PDS5A: variants seen among roughly 807,000 people sequenced by gnomAD.
PDS5A encodes sister chromatid cohesion protein PDS5 homolog A.
PDS5A carries 42 observed loss-of-function variants against 167.1 expected under a neutral mutation model. The observed-to-expected ratio is 0.25, with a 90% confidence interval of 0.20 to 0.33. PDS5A has a LOEUF of 0.33. Ranked by LOEUF, PDS5A falls within the 10% of genes least tolerant of loss-of-function variation. The probability of loss-of-function intolerance (pLI) is 1.00; values close to 1 mark genes in which losing one functional copy is unlikely to be tolerated. For synonymous variants in PDS5A, 553 were observed against 554.6 expected, an observed-to-expected ratio of 1.00 and a Z score of 0.04; for missense variants, 1,033 against 1,605.9, an observed-to-expected ratio of 0.64 and a Z score of 6.10.
chr4:39,917,179 G>T lies in PDS5A; in HGVS notation c.745C>A (p.Gln249Lys). 1.3e-6 allele frequency: 2 copies of T among 1,548,762 alleles called. No individual in the cohort carries two copies. The highest frequency in any genetic ancestry group is 8.7e-7 in the Non-Finnish European group (1 of 1,155,476). ...IEACIANFFN[Q>K]VLVLGRSSVS... Reference sequence around the variant, plus strand: ...GATGATCTTCCCAGCACCAGGACTTGATTGAAAAACTGTAAGAGATATTAA... The same window carrying T: ...GATGATCTTCCCAGCACCAGGACTTTATTGAAAAACTGTAAGAGATATTAA... The change falls in exon 8 of 33, where the codon CAA becomes AAA. Residue 249 changes from glutamine to lysine, a missense_variant. Transcript: ENST00000303538.
chr4:39,911,178 A>C (rs1374665748), intron 9 of PDS5A, among the ~76,000 whole-genome samples: 1 of 152,128 alleles, frequency 6.6e-6, no homozygotes, highest in South Asian at 2.1e-4. Context: ...GGGAAACTTG[A>C]GGTAGAGAGC....
At chr4:39,917,242 G>A in intron 7 of PDS5A, 54 bp from the exon 8 acceptor site, 2 of 1,170,694 alleles carry the variant, frequency 1.7e-6, no homozygotes, top group Non-Finnish European at 2.4e-6. Flanking sequence ...TAAAAACATG[G>A]ATACATTTTT....
intron 13 of PDS5A, among the ~76,000 whole-genome samples, chr4:39,901,767 T>C (rs2109654643): frequency 6.6e-6 from 1 of 152,316 alleles, no homozygotes; most frequent in East Asian, 1.9e-4. Context: ...TCATTTACTT[T>C]GTGTATTTTT....
intron 26 of PDS5A, among the ~76,000 whole-genome samples, chr4:39,856,808 T>C (rs1228443348): frequency 1.3e-5 from 2 of 152,066 alleles, no homozygotes; most frequent in African/African-American, 2.4e-5. Flanking sequence ...AGAGTGAGAC[T>C]CTGTCTCAAA....
Position 39,909,115 on chromosome 4 carries a change from T to G in PDS5A, c.1088-575A>C, listed in dbSNP as rs908415608. Among the ~76,000 whole-genome samples the G allele has an allele frequency of 2.0e-5, 3 of 150,176 alleles. No homozygotes were observed. The Admixed American group carries it at 2.0e-4, about 10-fold the overall frequency. On this transcript the variant is annotated intron_variant, in intron 10 of 32. Transcript: ENST00000303538. ...TAAAATACTTCACAGTTACATCTTT[T>G]TTTTAATTTTTATTTTTTGTTGTTG... is the stretch of plus-strand genomic sequence containing the variant.
At chr4:39,839,878 G>A (rs1272051830) in intron 31 of PDS5A, among the ~76,000 whole-genome samples, 6 of 151,758 alleles carry the variant, frequency 4.0e-5, no homozygotes, top group Admixed American at 6.6e-5. Context: ...GGCGAATCAC[G>A]AGGTCAGGAG....
chr4:39,842,207 T>A (rs1321833847), intron 30 of PDS5A, among the ~76,000 whole-genome samples, 151 bp from the exon 31 acceptor site: 1 of 152,238 alleles, frequency 6.6e-6, no homozygotes, highest in Admixed American at 6.5e-5. Context: ...AGTTATAGAC[T>A]ATTGCTTTAA....
intron 2 of PDS5A, among the ~76,000 whole-genome samples, chr4:39,945,793 A>C (rs1008931304): frequency 5.3e-5 from 8 of 152,214 alleles, no homozygotes; most frequent in Non-Finnish European, 1.2e-4. Flanking sequence ...TCCTTCATAA[A>C]GGTAAATCGT....
intron 2 of PDS5A, among the ~76,000 whole-genome samples, chr4:39,960,397 G>A (rs993352895): frequency 1.3e-5 from 2 of 152,176 alleles, no homozygotes; most frequent in African/African-American, 4.8e-5. Context: ...AGGGATTCTG[G>A]GTCTAGGCAC....
intron 26 of PDS5A, among the ~76,000 whole-genome samples, chr4:39,855,220 C>T (rs893207230): frequency 2.0e-5 from 3 of 152,172 alleles, no homozygotes; most frequent in Admixed American, 1.3e-4. Flanking sequence ...TGAAGGGAAT[C>T]TATGTCAGGG....
At chr4:39,906,940 A>C (rs1323179752) in intron 11 of PDS5A, among the ~76,000 whole-genome samples, 3 of 151,382 alleles carry the variant, frequency 2.0e-5, no homozygotes, top group Non-Finnish European at 4.4e-5. Context: ...AAAAAAAAAA[A>C]AAACAAGCAA....
At chr4:39,935,828 C>T (rs914305207) in intron 2 of PDS5A, among the ~76,000 whole-genome samples, 9 of 152,202 alleles carry the variant, frequency 5.9e-5, no homozygotes, top group African/African-American at 2.2e-4. Flanking sequence ...GGCAGTTCTT[C>T]ATAAAATTTA....
intron 2 of PDS5A, among the ~76,000 whole-genome samples, chr4:39,937,287 G>A (rs976098538): frequency 2.0e-5 from 3 of 152,150 alleles, no homozygotes; most frequent in Admixed American, 1.3e-4. Flanking sequence ...AATTCCAAGG[G>A]TTTTTGAGGC....
At chr4:39,945,785 C>T (rs749109343) in intron 2 of PDS5A, among the ~76,000 whole-genome samples, 16 of 152,100 alleles carry the variant, frequency 1.1e-4, no homozygotes, top group Non-Finnish European at 2.4e-4. Flanking sequence ...TTTCCTTTTC[C>T]TTCATAAAGG....
intron 17 of PDS5A, among the ~76,000 whole-genome samples, chr4:39,881,041 T>G (rs1720883907): frequency 6.6e-6 from 1 of 152,138 alleles, no homozygotes; most frequent in South Asian, 2.1e-4. Context: ...CACCTACCAG[T>G]GAGAACATCT....
At chr4:39,967,556 C>T (rs1020209232) in intron 2 of PDS5A, among the ~76,000 whole-genome samples, 1 of 146,014 alleles carries the variant, frequency 6.8e-6, no homozygotes, top group Non-Finnish European at 1.5e-5. Flanking sequence ...CTGAGGCAGG[C>T]GAATTGCTTG....
In PDS5A at chr4:39,928,164, T is replaced by C; in HGVS notation, c.139A>G (p.Met47Val). The C allele has an allele frequency of 6.3e-7, 1 of 1,591,272 alleles. No homozygotes were observed. The highest frequency in any genetic ancestry group is 8.6e-7 in the Non-Finnish European group (1 of 1,162,142). Reference sequence around the variant, plus strand: ...ATATCCATAAAGGTTTTCACTACCATCTGTAAAAATGTACAAAAACACAAA... The same window carrying C: ...ATATCCATAAAGGTTTTCACTACCACCTGTAAAAATGTACAAAAACACAAA... ...TTDEMIKRLK[M>V]VVKTFMDMDQ... Residue 47 changes from methionine (M) to valine (V), a missense_variant and splice_region_variant, in exon 3 of 33, where the codon ATG becomes GTG. Around this residue, in one of 4 missense-constraint regions of PDS5A, gnomAD observed 388 missense variants for 615.1 expected, o/e 0.63. Coordinates refer to ENST00000303538, the MANE Select transcript of PDS5A (RefSeq NM_001100399.2).
Position 39,913,599 on chromosome 4 carries a change from ATG to A in PDS5A, c.992+10_992+11del. The A allele has an allele frequency of 7.2e-7, 1 of 1,396,404 alleles. No homozygotes were observed. Among genetic ancestry groups the A allele is most frequent in the Non-Finnish European group, 1.0e-6 (1 of 981,376 alleles). The allele number at this position is 1,396,404 out of a possible 1,614,324, so 86.5% of individuals were successfully genotyped here. A position where few individuals can be genotyped will look rare whatever the true frequency, so the allele number is the denominator to read the frequency against. Reference sequence around the variant, plus strand: ...TCTAAAATATAAACATCAGAATTATATGTTCTCTTACCGTCCAAGAAAACATT... The same window carrying A: ...TCTAAAATATAAACATCAGAATTATATTCTCTTACCGTCCAAGAAAACATT... On this transcript the variant is annotated intron_variant, in intron 9 of 32. Transcript: ENST00000303538.
At chr4:39,973,839 T>G (rs1383497983) in intron 2 of PDS5A, 1 of 1,038,002 alleles carries the variant, frequency 9.6e-7, no homozygotes, top group Non-Finnish European at 1.5e-6. Flanking sequence ...AGAACCGTGC[T>G]GCAAGACCGG....
Sources: gnomAD v4.1 joint callset for allele counts (sites outside exome capture counted in the v4.1 genomes callset) on GRCh38, gnomAD v4.1.1 for gene constraint, gnomAD v4.1.1 regional missense constraint, MANE v1.5 for transcripts, NCBI Gene and HGNC (gene_info 2026-07-23, HGNC 2026-07-21) for gene names.